The following RSBN1 variants were observed in gnomAD, a reference collection of about 807,000 sequenced individuals.
RSBN1 encodes round spermatid basic protein 1, also known as lysine-specific demethylase 9.
Under a neutral mutation model 74.8 loss-of-function variants are expected in RSBN1, and 23 were observed. The observed-to-expected ratio is 0.31, with a 90% CI of 0.22 to 0.44. The LOEUF (loss-of-function observed/expected upper bound fraction) is 0.44, where lower values mean the gene tolerates loss of function less well. Among genes scored for constraint, RSBN1 ranks in the 20% least tolerant of loss-of-function variants. The pLI is 1.00. For missense variants in RSBN1, 808 were observed against 1,020.9 expected (o/e 0.79, Z 2.84); for synonymous variants, 407 against 379.6 (o/e 1.07, Z -0.84).
In RSBN1 at chr1:113,777,828, G is replaced by A. The variant is rs1354668184; in HGVS notation, c.1378-20C>T. On this transcript the variant is annotated intron_variant, in intron 2 of 6. Transcript: ENST00000261441. ...GTTGACCTAAGATAAAACAAAAGAG[G>A]GAAAAATGGACTGAGGTACAACTAT... The A allele has an allele frequency of 7.3e-6, 11 of 1,516,320 alleles. No homozygotes were observed. In the Admixed American group the frequency reaches 7.9e-5, roughly 11 times the overall value. 93.9% of individuals were successfully genotyped at this position (1,516,320 alleles called of 1,614,324 possible).
intron 2 of RSBN1, among the ~76,000 whole-genome samples, chr1:113,781,484 C>T (rs1400772280): frequency 6.6e-6 from 1 of 152,166 alleles, no homozygotes; most frequent in African/African-American, 2.4e-5. Flanking sequence ...AGTTTTCATT[C>T]CACATATTAT....
At chr1:113,783,703 A>G (rs1049085141) in intron 2 of RSBN1, among the ~76,000 whole-genome samples, 1 of 152,082 alleles carries the variant, frequency 6.6e-6, no homozygotes, top group Non-Finnish European at 1.5e-5. Context: ...CTTGCCCTCC[A>G]CTTCCTTTTT....
At chr1:113,799,465 A>C (rs1427471023) in intron 1 of RSBN1, among the ~76,000 whole-genome samples, 1 of 152,140 alleles carries the variant, frequency 6.6e-6, no homozygotes, top group Admixed American at 6.6e-5. Flanking sequence ...TTCCTAAAGA[A>C]TAAGACAAGC....
At chr1:113,810,152 A>G (rs1217162421) in intron 1 of RSBN1, among the ~76,000 whole-genome samples, 1 of 152,222 alleles carries the variant, frequency 6.6e-6, no homozygotes, top group Admixed American at 6.5e-5. Context: ...AGAGAAAGCA[A>G]CATCATGAAG....
chr1:113,790,900 C>T (rs545645499), intron 2 of RSBN1, among the ~76,000 whole-genome samples: 104 of 152,264 alleles, frequency 6.8e-4, no homozygotes, highest in Non-Finnish European at 9.0e-4. Context: ...AGAAGAGGAA[C>T]CTGAGAGTCT....
At chr1:113,785,693 G>A (rs1391103098) in intron 2 of RSBN1, among the ~76,000 whole-genome samples, 1 of 152,140 alleles carries the variant, frequency 6.6e-6, no homozygotes, top group Non-Finnish European at 1.5e-5. Flanking sequence ...AAAGAACATG[G>A]GATCCTGATC....
Position 113,765,953 on chromosome 1 carries a change from T to A in RSBN1, c.*27A>T. On this transcript the variant is annotated 3_prime_UTR_variant, in exon 7 of 7. Transcript: ENST00000261441. ...ACTTCACATCAAAATTTAAAAAAGT[T>A]AAAAAATGTGTTTGAATATGTACAT... 6.5e-7 allele frequency: 1 copy of A among 1,550,384 alleles called. No individual in the cohort carries two copies. Among genetic ancestry groups the A allele is most frequent in the Non-Finnish European group, 8.8e-7 (1 of 1,138,990 alleles).
chr1:113,812,289 T>G lies in RSBN1; in HGVS notation c.124A>C (p.Lys42Gln), dbSNP rs1410744666. 2 of 1,604,738 alleles carry G rather than the reference T, an allele frequency of 1.2e-6. No individual in the cohort carries two copies. Among genetic ancestry groups the G allele is most frequent in the Non-Finnish European group, 8.5e-7 (1 of 1,179,792 alleles). Residue 42 changes from lysine (K) to glutamine (Q), a missense_variant, in exon 1 of 7, where the codon AAA (lysine) becomes CAA (glutamine). Physicochemically the swap from Lys to Gln is moderately conservative, Grantham distance 53. Transcript: ENST00000261441. The stretch of plus-strand genomic sequence containing the variant: ...GCCATTTCACCCACAAACACACATT[T>G]AAATGGCCCGACCGCCCCCCCGTCC... ...CADGGAVGPF[K>Q]CVFVGEMAAQ...
chr1:113,802,832 T>C (rs1378372531), intron 1 of RSBN1, among the ~76,000 whole-genome samples: 1 of 152,198 alleles, frequency 6.6e-6, no homozygotes, highest in Non-Finnish European at 1.5e-5. Flanking sequence ...AACTGATAAG[T>C]CTACATTGAT....
intron 2 of RSBN1, among the ~76,000 whole-genome samples, chr1:113,783,514 GAAAC>G (rs1660177204): frequency 2.0e-5 from 3 of 151,952 alleles, no homozygotes; most frequent in Admixed American, 6.6e-5. Context: ...CCAACTGTAG[GAAAC>G]TAATGCCAAA....
intron 2 of RSBN1, among the ~76,000 whole-genome samples, chr1:113,792,524 G>C (rs1292386301): frequency 6.6e-6 from 1 of 152,174 alleles, no homozygotes; most frequent in Admixed American, 6.5e-5. Flanking sequence ...ACGACATAGT[G>C]AGACTCTGGC....
intron 2 of RSBN1, among the ~76,000 whole-genome samples, chr1:113,792,210 A>G (rs577245668): frequency 1.3e-5 from 2 of 152,344 alleles, no homozygotes; most frequent in East Asian, 1.9e-4. Context: ...CAGCAAACAC[A>G]TAACACACAC....
At chr1:113,769,580 AAATAT>A (rs1457084690) in intron 4 of RSBN1, among the ~76,000 whole-genome samples, 8 of 152,204 alleles carry the variant, frequency 5.3e-5, no homozygotes, top group African/African-American at 1.9e-4. Context: ...AAGAATTTCT[AAATAT>A]AATAATCTAA....
At position 113,811,970 on chromosome 1, in the gene RSBN1, G is replaced by A; in HGVS notation, c.443C>T (p.Pro148Leu). ...GGGCCCGGCGGGTGCCAGCGAAGGT[G>A]GCGGCGGAGGCGGCAGGAGAAGAGG... is the stretch of plus-strand genomic sequence containing the variant. ...VEPLLLPPPPPPSLAPAGPAV... is the reference protein window; with the variant it reads ...VEPLLLPPPPLPSLAPAGPAV... Residue 148 changes from proline (P) to leucine (L), a missense_variant, in exon 1 of 7, where the codon CCA (proline) becomes CTA (leucine). Pro to Leu is a moderately conservative substitution (Grantham distance 98, BLOSUM62 -3). Around this residue, in one of 6 missense-constraint regions of RSBN1, gnomAD observed 464 missense variants for 401.0 expected, o/e 1.16. Coordinates refer to ENST00000261441, the MANE Select transcript of RSBN1 (RefSeq NM_018364.5). 6.4e-7 allele frequency: 1 copy of A among 1,570,510 alleles called. No homozygotes were observed.
intron 1 of RSBN1, among the ~76,000 whole-genome samples, chr1:113,802,859 GC>G (rs1378040228): frequency 6.6e-6 from 1 of 152,072 alleles, no homozygotes; most frequent in Admixed American, 6.5e-5. Flanking sequence ...TTATTCGCCT[GC>G]CCGCAGTCCA....
intron 1 of RSBN1, among the ~76,000 whole-genome samples, chr1:113,807,558 G>A (rs1470157655): frequency 2.0e-5 from 3 of 151,662 alleles, no homozygotes; most frequent in South Asian, 2.1e-4. Context: ...TCAGGAGTTC[G>A]AGAACAGCCT....
At position 113,811,961 on chromosome 1, in the gene RSBN1, A is replaced by C. The variant is rs768516727; in HGVS notation, c.452T>G (p.Leu151Arg). Residue 151 changes from leucine (L) to arginine (R), a missense_variant, in exon 1 of 7, where the codon CTG becomes CGG. Coordinates refer to ENST00000261441, the MANE Select transcript of RSBN1 (RefSeq NM_018364.5). ...AGCGACAGCGGGCCCGGCGGGTGCC[A>C]GCGAAGGTGGCGGCGGAGGCGGCAG... ...LLLPPPPPPSLAPAGPAVAAP... is the reference protein window; with the variant it reads ...LLLPPPPPPSRAPAGPAVAAP... 6.3e-7 allele frequency: 1 copy of C among 1,584,432 alleles called. No homozygotes were observed. Among genetic ancestry groups the C allele is most frequent in the South Asian group, 1.1e-5 (1 of 88,346 alleles).
chr1:113,768,198 T>A (rs200785294), intron 5 of RSBN1, 24 bp downstream of exon 5: 1 of 1,581,388 alleles, frequency 6.3e-7, no homozygotes, highest in Admixed American at 1.8e-5. Context: ...TAACCAACCT[T>A]GCAGTTGAGT....
At chr1:113,793,380 T>G (rs902478219) in intron 2 of RSBN1, among the ~76,000 whole-genome samples, 4 of 152,218 alleles carry the variant, frequency 2.6e-5, no homozygotes, top group African/African-American at 9.6e-5. Context: ...CCTACCACTT[T>G]CCCATCCTTA....
Sources: allele counts gnomAD v4.1 joint callset (sites outside exome capture counted in the v4.1 genomes callset), GRCh38; gene constraint gnomAD v4.1.1; regional missense constraint gnomAD v4.1.1; transcripts MANE v1.5; gene names NCBI Gene and HGNC (gene_info 2026-07-23, HGNC 2026-07-21).